OSBP2: variants seen among roughly 807,000 people sequenced by gnomAD.
OSBP2 encodes oxysterol binding protein 2.
OSBP2 carries 66 observed loss-of-function variants against 96.0 expected under a neutral mutation model. That is an observed-to-expected ratio of 0.69 (90% confidence interval 0.56 to 0.84). The LOEUF (loss-of-function observed/expected upper bound fraction) is 0.84. Among genes scored for constraint, OSBP2 ranks in the 40% least tolerant of loss-of-function variants. The probability of loss-of-function intolerance (pLI) is 0.00; values close to 1 mark genes in which losing one functional copy is unlikely to be tolerated. For missense variants in OSBP2, 1,038 were observed against 1,222.7 expected, an observed-to-expected ratio of 0.85 and a Z score of 2.25; for synonymous variants, 525 against 520.9, an observed-to-expected ratio of 1.01 and a Z score of -0.11.
chr22:30,902,413 T>C (rs1380428602), intron 12 of OSBP2: 17 of 1,571,946 alleles, frequency 1.1e-5, no homozygotes, highest in African/African-American at 2.7e-5. Flanking sequence ...TGGTGCACTG[T>C]TGGGCAATCA....
In OSBP2 at chr22:30,790,303, A is replaced by AG. The variant is rs567426388; in HGVS notation, c.853+48942dup. ...ACTGCTGTGGACCCACTTTTTAAGG[A>AG]GGGGGGGGCGGGGAAAGCATAGAAA... On this transcript the variant is annotated intron_variant, in intron 2 of 13. Coordinates refer to ENST00000332585, the MANE Select transcript of OSBP2 (RefSeq NM_030758.4). Among the ~76,000 whole-genome samples the AG allele has an allele frequency of 4.4e-3, 658 of 150,618 alleles. 6 individuals are homozygous for AG. Among genetic ancestry groups the AG allele is most frequent in the African/African-American group, 0.014 (583 of 40,974 alleles).
intron 12 of OSBP2, among the ~76,000 whole-genome samples, chr22:30,896,076 G>A (rs1314315308): frequency 6.6e-6 from 1 of 151,508 alleles, no homozygotes. Flanking sequence ...CTAGAGTGCA[G>A]TGGCATGATC....
chr22:30,746,102 G>A (rs1017097653), intron 2 of OSBP2, among the ~76,000 whole-genome samples: 1 of 152,064 alleles, frequency 6.6e-6, no homozygotes, highest in African/African-American at 2.4e-5. Context: ...TGGCTTAATT[G>A]GGTGAATTCT....
intron 2 of OSBP2, among the ~76,000 whole-genome samples, chr22:30,810,705 T>C (rs2090994822): frequency 1.3e-5 from 2 of 152,142 alleles, no homozygotes. Context: ...GCGGCTCTGC[T>C]CCTCCGCCTC....
chr22:30,898,305 AAC>A (rs2040111568), intron 12 of OSBP2, among the ~76,000 whole-genome samples: 1 of 151,960 alleles, frequency 6.6e-6, no homozygotes, highest in Admixed American at 6.5e-5. Flanking sequence ...GTGAGTTGTG[AAC>A]ACACCACTGC....
intron 2 of OSBP2, among the ~76,000 whole-genome samples, chr22:30,837,573 G>A (rs967845919): frequency 6.6e-6 from 1 of 152,214 alleles, no homozygotes; most frequent in Non-Finnish European, 1.5e-5. Context: ...AGCTCAGAAG[G>A]AATGGAGTCC....
At chr22:30,852,872 T>C (rs1432877960) in intron 2 of OSBP2, among the ~76,000 whole-genome samples, 1 of 152,216 alleles carries the variant, frequency 6.6e-6, no homozygotes, top group Admixed American at 6.5e-5. Context: ...TTTCCAGTTA[T>C]TCAACCCATT....
At chr22:30,773,702 T>C (rs1230380526) in intron 2 of OSBP2, among the ~76,000 whole-genome samples, 2 of 151,820 alleles carry the variant, frequency 1.3e-5, no homozygotes. Context: ...AGTGGTCACT[T>C]TGGTCCACAG....
At chr22:30,885,683 A>G (rs2039794504) in intron 3 of OSBP2, among the ~76,000 whole-genome samples, 1 of 152,222 alleles carries the variant, frequency 6.6e-6, no homozygotes, top group Admixed American at 6.5e-5. Context: ...GGCCCAGGGT[A>G]GACAAGGGCC....
At chr22:30,796,868 T>C (rs1410382769) in intron 2 of OSBP2, among the ~76,000 whole-genome samples, 3 of 152,198 alleles carry the variant, frequency 2.0e-5, no homozygotes, top group African/African-American at 7.2e-5. Flanking sequence ...TTAACCACTT[T>C]TAAGTGTAAT....
chr22:30,693,825 G>A, upstream of OSBP2: 1 of 458,366 alleles, frequency 2.2e-6, no homozygotes, highest in Non-Finnish European at 4.0e-6. Flanking sequence ...AATTTAGCTG[G>A]GCATGGTGCG....
At chr22:30,887,728 C>CTGGCCT (rs2039845490) in intron 4 of OSBP2, 110 bp downstream of exon 4, 1 of 947,420 alleles carries the variant, frequency 1.1e-6, no homozygotes. Context: ...CACATGTGGG[C>CTGGCCT]TGGCCTTGGC....
At chr22:30,768,725 G>A (rs1394039276) in intron 2 of OSBP2, among the ~76,000 whole-genome samples, 1 of 151,920 alleles carries the variant, frequency 6.6e-6, no homozygotes, top group Non-Finnish European at 1.5e-5. Context: ...TTGCCATTAA[G>A]GTAGTTTAAG....
intron 3 of OSBP2, among the ~76,000 whole-genome samples, chr22:30,882,257 C>T (rs1264703678): frequency 1.3e-5 from 2 of 152,172 alleles, no homozygotes; most frequent in East Asian, 1.9e-4. Flanking sequence ...GAATATCTCC[C>T]AGGAACCTAG....
chr22:30,737,698 T>A (rs2145733910), intron 1 of OSBP2, among the ~76,000 whole-genome samples: 1 of 152,022 alleles, frequency 6.6e-6, no homozygotes, highest in East Asian at 1.9e-4. Context: ...ACTGTCTTAG[T>A]TTTAGGATGA....
intron 1 of OSBP2, among the ~76,000 whole-genome samples, chr22:30,707,909 CAG>C (rs1223543898): frequency 6.7e-6 from 1 of 150,098 alleles, no homozygotes; most frequent in Non-Finnish European, 1.5e-5. Flanking sequence ...TTTTTTGAGA[CAG>C]AGTCTCACTC....
intron 2 of OSBP2, among the ~76,000 whole-genome samples, chr22:30,782,566 T>C (rs1482976469): frequency 1.3e-5 from 2 of 152,214 alleles, no homozygotes; most frequent in African/African-American, 4.8e-5. Flanking sequence ...GTAACTGTTT[T>C]GAAATCCATC....
intron 1 of OSBP2, among the ~76,000 whole-genome samples, chr22:30,701,999 C>T (rs911363206): frequency 1.3e-5 from 2 of 152,166 alleles, no homozygotes; most frequent in African/African-American, 4.8e-5. Context: ...TTAGCAAGTT[C>T]TAGTGACATG....
intron 2 of OSBP2, among the ~76,000 whole-genome samples, chr22:30,752,561 A>AT (rs553216868): frequency 2.2e-4 from 33 of 151,986 alleles, no homozygotes; most frequent in Admixed American, 2.1e-3. Context: ...AAGTGCTAGG[A>AT]TTACAGGTGT....
Sources: allele counts gnomAD v4.1 joint callset (sites outside exome capture counted in the v4.1 genomes callset), GRCh38; gene constraint gnomAD v4.1.1; transcripts MANE v1.5; gene names NCBI Gene and HGNC (gene_info 2026-07-23, HGNC 2026-07-21).